The following NLGN1 variants were observed in gnomAD, a reference collection of about 807,000 sequenced individuals.
NLGN1 encodes the protein neuroligin-1.
In NLGN1, 12 loss-of-function variants were observed where a neutral mutation model predicts 65.5. The ratio of observed to expected loss-of-function variants is 0.18; its 90% CI spans 0.12 to 0.30. The LOEUF (loss-of-function observed/expected upper bound fraction) is 0.30. Among genes scored for constraint, NLGN1 ranks in the 10% least tolerant of loss-of-function variants. NLGN1 has a pLI of 1.00. For synonymous variants in NLGN1, 350 were observed against 359.5 expected (o/e 0.97, Z 0.30); for missense variants, 750 against 1,007.1 (o/e 0.74, Z 3.46).
At chr3:173,784,255 A>ATGT (rs1781615831) in intron 3 of NLGN1, among the ~76,000 whole-genome samples, 3 of 152,202 alleles carry the variant, frequency 2.0e-5, no homozygotes, top group Admixed American at 2.0e-4. Context: ...TCAACAGAAT[A>ATGT]TGTTGAAAAG....
chr3:173,858,455 C>A (rs966038470), intron 4 of NLGN1, among the ~76,000 whole-genome samples: 1 of 151,946 alleles, frequency 6.6e-6, no homozygotes, highest in South Asian at 2.1e-4. Flanking sequence ...ATCCAGTAAT[C>A]AAGCCTATGT....
chr3:173,638,227 T>A (rs553875159), intron 3 of NLGN1, among the ~76,000 whole-genome samples: 1 of 152,018 alleles, frequency 6.6e-6, no homozygotes, highest in African/African-American at 2.4e-5. Context: ...GGTGAAAAAC[T>A]TGGCTGTGAC....
rs114385022 is a variant in NLGN1, at chr3:173,653,978, G to A, written c.493+48887G>A. Among the ~76,000 whole-genome samples the A allele has an allele frequency of 6.7e-3, 1,023 of 152,214 alleles. 15 individuals are homozygous for A. The highest frequency in any genetic ancestry group is 0.023 in the African/African-American group (956 of 41,526). ...GCTGAGTCAATAGCCACTACCAACC[G>A]GATAGCCACATGAGTGAGTCTTCTT... On this transcript the variant is annotated intron_variant, in intron 3 of 6. Coordinates refer to ENST00000457714, the Ensembl canonical transcript of NLGN1.
At chr3:173,540,309 T>C (rs1738634622) in intron 2 of NLGN1, among the ~76,000 whole-genome samples, 1 of 152,160 alleles carries the variant, frequency 6.6e-6, no homozygotes, top group African/African-American at 2.4e-5. Context: ...TGCCTGGATC[T>C]GCTACAGAGC....
intron 4 of NLGN1, among the ~76,000 whole-genome samples, chr3:174,158,292 T>G (rs1374740437): frequency 2.6e-5 from 4 of 151,842 alleles, no homozygotes; most frequent in Non-Finnish European, 5.9e-5. Flanking sequence ...ACATTTAATA[T>G]AGAATTTATT....
chr3:173,769,460 A>T (rs192135365), intron 3 of NLGN1, among the ~76,000 whole-genome samples: 1 of 152,176 alleles, frequency 6.6e-6, no homozygotes, highest in Non-Finnish European at 1.5e-5. Flanking sequence ...ACTCTTTCTC[A>T]TAGCCGATTT....
Position 174,098,732 on chromosome 3 carries a change from A to G in NLGN1, c.647-176583A>G, listed in dbSNP as rs555401148. ...TTTCAAACCACATCCCACAAAGGCCACTGGTCCACAAATCGATCACACCTT... is the reference window on the plus strand; with the variant it reads ...TTTCAAACCACATCCCACAAAGGCCGCTGGTCCACAAATCGATCACACCTT... On this transcript the variant is annotated intron_variant, in intron 4 of 6. Transcript: ENST00000457714. Among the ~76,000 whole-genome samples the G allele has an allele frequency of 3.3e-5, 5 of 152,292 alleles. No individual in the cohort carries two copies. In the East Asian group the frequency reaches 9.6e-4, roughly 29 times the overall value.
At chr3:173,959,882 G>A (rs1428312355) in intron 4 of NLGN1, among the ~76,000 whole-genome samples, 6 of 151,902 alleles carry the variant, frequency 3.9e-5, no homozygotes, top group Admixed American at 3.9e-4. Context: ...AACCACTATG[G>A]CCTAAATATT....
At chr3:173,785,511 T>C (rs1252574605) in intron 3 of NLGN1, among the ~76,000 whole-genome samples, 1 of 152,168 alleles carries the variant, frequency 6.6e-6, no homozygotes, top group African/African-American at 2.4e-5. Context: ...CATTTTTTGG[T>C]AATATGTGGA....
chr3:174,180,514 G>C (rs76593993), intron 4 of NLGN1, among the ~76,000 whole-genome samples: 1,550 of 152,230 alleles, frequency 0.01, 36 homozygotes, highest in African/African-American at 0.035. Context: ...GAGGGGCAAA[G>C]GTTGCTAGTC....
chr3:173,564,477 T>C (rs1386207688), intron 2 of NLGN1, among the ~76,000 whole-genome samples: 2 of 152,252 alleles, frequency 1.3e-5, no homozygotes, highest in Non-Finnish European at 1.5e-5. Context: ...TACACTGCCA[T>C]GTGCTCTTGA....
At chr3:173,791,552 T>C (rs1712754209) in intron 3 of NLGN1, among the ~76,000 whole-genome samples, 1 of 151,556 alleles carries the variant, frequency 6.6e-6, no homozygotes, top group Non-Finnish European at 1.5e-5. Context: ...GGCACTTCAA[T>C]AAATATTTTT....
At chr3:174,178,342 T>G (rs905266383) in intron 4 of NLGN1, among the ~76,000 whole-genome samples, 5 of 152,156 alleles carry the variant, frequency 3.3e-5, no homozygotes, top group East Asian at 3.8e-4. Context: ...GTGATTGATT[T>G]ATTTAGAAAT....
At chr3:173,814,513 C>T (rs1276589874) in intron 4 of NLGN1, among the ~76,000 whole-genome samples, 1 of 152,164 alleles carries the variant, frequency 6.6e-6, no homozygotes, top group Non-Finnish European at 1.5e-5. Flanking sequence ...CCCTTACTCC[C>T]TCCAAAATGG....
chr3:173,674,281 G>C (rs1001167896), intron 3 of NLGN1, among the ~76,000 whole-genome samples: 2 of 152,164 alleles, frequency 1.3e-5, no homozygotes, highest in East Asian at 3.8e-4. Flanking sequence ...AAATGGCCTT[G>C]TCTAAAATTT....
At chr3:173,749,257 A>T (rs959338318) in intron 3 of NLGN1, among the ~76,000 whole-genome samples, 2 of 152,040 alleles carry the variant, frequency 1.3e-5, no homozygotes, top group Admixed American at 1.3e-4. Context: ...AAGATGATTT[A>T]TGGCCTGCTA....
chr3:173,883,401 A>G (rs941280711), intron 4 of NLGN1, among the ~76,000 whole-genome samples: 5 of 152,184 alleles, frequency 3.3e-5, no homozygotes, highest in Admixed American at 2.6e-4. Flanking sequence ...AACAATTACA[A>G]TAGTAAAATC....
chr3:173,625,042 C>T (rs1754610594), intron 3 of NLGN1, among the ~76,000 whole-genome samples: 1 of 152,050 alleles, frequency 6.6e-6, no homozygotes, highest in South Asian at 2.1e-4. Context: ...GCCCACTTAC[C>T]TTTTCCCTGA....
chr3:173,439,162 G>A lies in NLGN1; in HGVS notation c.-321+4084G>A, dbSNP rs185451718. Among the ~76,000 whole-genome samples the A allele has an allele frequency of 3.6e-3, 548 of 152,226 alleles. 6 individuals are homozygous for A. The highest frequency in any genetic ancestry group is 0.013 in the African/African-American group (531 of 41,550). ...GGCAACAAAGTTTGTTTGCACAAGG[G>A]AAGAATTTTTTCCCCCATAGCACAT... On this transcript the variant is annotated intron_variant, in intron 2 of 6. Transcript: ENST00000457714.
Sources: allele counts gnomAD v4.1 joint callset (sites outside exome capture counted in the v4.1 genomes callset), GRCh38; gene constraint gnomAD v4.1.1; transcripts MANE v1.5; gene names NCBI Gene and HGNC (gene_info 2026-07-23, HGNC 2026-07-21).